The following SPNS2 variants were observed in gnomAD, a reference collection of about 807,000 sequenced individuals.
SPNS2 encodes sphingosine-1-phosphate transporter SPNS2.
A neutral mutation model predicts 57.6 loss-of-function variants in SPNS2; 37 were observed. The ratio of observed to expected loss-of-function variants is 0.64; its 90% CI spans 0.49 to 0.85. The LOEUF (loss-of-function observed/expected upper bound fraction) is 0.85. Among genes scored for constraint, SPNS2 ranks in the 40% least tolerant of loss-of-function variants. The pLI is 0.00. For missense variants in SPNS2, 831 were observed against 779.1 expected, an observed-to-expected ratio of 1.07 and a Z score of -0.79; for synonymous variants, 440 against 346.9, an observed-to-expected ratio of 1.27 and a Z score of -2.98.
At chr17:4,524,989 AG>A in intron 2 of SPNS2, 67 bp from the exon 3 acceptor site, 1 of 1,582,502 alleles carries the variant, frequency 6.3e-7, no homozygotes. Flanking sequence ...CCCAAGCCGG[AG>A]TGAAATGGGC....
At chr17:4,525,391 G>A (rs1241239505) in intron 3 of SPNS2, among the ~76,000 whole-genome samples, 198 bp downstream of exon 3, 3 of 152,214 alleles carry the variant, frequency 2.0e-5, no homozygotes, top group African/African-American at 2.4e-5. Context: ...CCTTCCCCAC[G>A]CTGGCCTGAC....
Position 4,536,141 on chromosome 17 carries a change from G to C in SPNS2, c.1410G>C (p.Leu470=). ...TGCAGAGCTTCACCTCCCACCTGCT[G>C]GGGGACGCCGGGAGCCCCTACCTCA... ...VALQSFTSHL[L]GDAGSPYLIG... The change falls in exon 10 of 13, where the codon CTG becomes CTC. Residue 470 remains leucine (L), a synonymous_variant. Transcript: ENST00000329078. The C allele has an allele frequency of 6.2e-7, 1 of 1,612,538 alleles. No homozygotes were observed. Among genetic ancestry groups the C allele is most frequent in the South Asian group, 1.1e-5 (1 of 91,076 alleles).
Position 4,510,881 on chromosome 17 carries a change from G to T in SPNS2, c.371-2366G>T, listed in dbSNP as rs1904813082. On this transcript the variant is annotated intron_variant, in intron 1 of 12. Coordinates refer to ENST00000329078, the MANE Select transcript of SPNS2 (RefSeq NM_001124758.3). This position sits in a 1 kb window ranked among gnomAD's most constrained non-coding sequence, Gnocchi z 4.4. ...AAACCACGCAGAAGGCAGCGTGGCA[G>T]GAGAACGAGCTTTGGTTTTTGGCAA... 6.6e-6 allele frequency among the ~76,000 whole-genome samples: 1 copy of T among 152,188 alleles called. No homozygotes were observed. Among genetic ancestry groups the T allele is most frequent in the Non-Finnish European group, 1.5e-5 (1 of 68,036 alleles).
At chr17:4,515,540 C>T (rs1016697684) in intron 2 of SPNS2, among the ~76,000 whole-genome samples, 1 of 152,208 alleles carries the variant, frequency 6.6e-6, no homozygotes, top group African/African-American at 2.4e-5. Context: ...TCACCTGTCA[C>T]CTACCCCGGC....
chr17:4,521,922 G>T (rs1905148392), intron 2 of SPNS2, among the ~76,000 whole-genome samples: 1 of 152,208 alleles, frequency 6.6e-6, no homozygotes. Context: ...AACACGGCCG[G>T]GCACGGTGGC....
rs186382995 is a variant in SPNS2 at position 4,518,940 on chromosome 17, G to T, written c.436+5628G>T. Among the ~76,000 whole-genome samples, 5 of 152,354 alleles carry T rather than the reference G, an allele frequency of 3.3e-5. No homozygotes were observed. The East Asian group carries it at 9.6e-4, about 29-fold the overall frequency. ...GCCCAACACAAGGTTTACATCCTGA[G>T]TAGGGGATCACAGAGCAGGTGTTCC... On this transcript the variant is annotated intron_variant, in intron 2 of 12. Transcript: ENST00000329078.
At chr17:4,531,583 A>C (rs1198170213) in intron 5 of SPNS2, among the ~76,000 whole-genome samples, 3 of 152,004 alleles carry the variant, frequency 2.0e-5, no homozygotes, top group Non-Finnish European at 4.4e-5. Flanking sequence ...GCGCAATCGG[A>C]GGAAACAGAG....
chr17:4,538,637 TG>T lies in SPNS2; in HGVS notation c.*1195del, dbSNP rs879864584. On this transcript the variant is annotated 3_prime_UTR_variant, in exon 13 of 13. Transcript: ENST00000329078. ...AGGTGGTTCTGGTGCGGGGGTGGGG[TG>T]GGGGGTGAGGCCTTGTGGCCAATGG... The T allele has an allele frequency of 2.3e-5, 11 of 482,706 alleles. No homozygotes were observed. Among genetic ancestry groups the T allele is most frequent in the African/African-American group, 7.9e-5 (4 of 50,582 alleles). 29.9% of individuals were successfully genotyped at this position (482,706 alleles called of 1,614,324 possible). A position where few individuals can be genotyped will look rare whatever the true frequency, so the allele number is the denominator to read the frequency against.
At position 4,537,636 on chromosome 17, in the gene SPNS2, G is replaced by A. The variant is rs1256105514; in HGVS notation, c.*188G>A. The A allele has an allele frequency of 6.6e-6, 3 of 456,760 alleles. No individual in the cohort carries two copies. Among genetic ancestry groups the A allele is most frequent in the Middle Eastern group, 3.3e-4 (1 of 3,076 alleles). 28.3% of individuals were successfully genotyped at this position (456,760 alleles called of 1,614,324 possible). A position where few individuals can be genotyped will look rare whatever the true frequency, so the allele number is the denominator to read the frequency against. On this transcript the variant is annotated 3_prime_UTR_variant, in exon 13 of 13. Coordinates refer to ENST00000329078, the MANE Select transcript of SPNS2 (RefSeq NM_001124758.3). Reference sequence around the variant, plus strand: ...AAGAGGCTGTGTCCTCAGTTACCCTGGAAGGATGTGTGTGTTGGAGCCACA... The same window carrying A: ...AAGAGGCTGTGTCCTCAGTTACCCTAGAAGGATGTGTGTGTTGGAGCCACA...
rs781588909 is a variant in SPNS2 at position 4,532,541 on chromosome 17, G to T, written c.793-1G>T. 1 of 1,614,152 alleles carries T rather than the reference G, an allele frequency of 6.2e-7. No homozygotes were observed. Among genetic ancestry groups the T allele is most frequent in the Non-Finnish European group, 8.5e-7 (1 of 1,180,032 alleles). On this transcript the variant is annotated splice_acceptor_variant, in intron 5 of 12. Coordinates refer to ENST00000329078, the MANE Select transcript of SPNS2 (RefSeq NM_001124758.3). LOFTEE classifies it high-confidence loss of function. ...TGTCCTAACTTCCTGCTCTCTGGCA[G>T]GTGTCCCCTGTCCTGGGCATGATCA...
intron 8 of SPNS2, 169 bp from the exon 9 acceptor site, chr17:4,533,619 G>A (rs1306550326): frequency 9.9e-7 from 1 of 1,012,074 alleles, no homozygotes; most frequent in East Asian, 2.6e-5. Flanking sequence ...GGTGCCTCAG[G>A]GCCGTGGGCA....
At chr17:4,530,594 G>A in intron 3 of SPNS2, 38 bp from the exon 4 acceptor site, 1 of 1,589,486 alleles carries the variant, frequency 6.3e-7, no homozygotes, top group Non-Finnish European at 8.6e-7. Flanking sequence ...CAGACGGTGG[G>A]TAGTCGGTCC....
Position 4,537,668 on chromosome 17 carries a change from G to C in SPNS2, c.*220G>C, listed in dbSNP as rs1905933442. On this transcript the variant is annotated 3_prime_UTR_variant, in exon 13 of 13. Coordinates refer to ENST00000329078, the MANE Select transcript of SPNS2 (RefSeq NM_001124758.3). ...TGTGTGTGTTGGAGCCACACGGTTG[G>C]ACAGGTTCCCAGCCCTAGGTTTGGG... 1 of 456,778 alleles carries C rather than the reference G, an allele frequency of 2.2e-6. No homozygotes were observed. The highest frequency in any genetic ancestry group is 4.4e-6 in the Non-Finnish European group (1 of 226,974). 28.3% of individuals were successfully genotyped at this position (456,778 alleles called of 1,614,324 possible).
At chr17:4,501,105 C>T (rs2144297636) in intron 1 of SPNS2, among the ~76,000 whole-genome samples, 1 of 152,306 alleles carries the variant, frequency 6.6e-6, no homozygotes, top group East Asian at 1.9e-4. Context: ...TGTCCCTGTA[C>T]AGCCCCCGTT....
chr17:4,511,152 C>T lies in SPNS2; in HGVS notation c.371-2095C>T, dbSNP rs1904820211. On this transcript the variant is annotated intron_variant, in intron 1 of 12. Coordinates refer to ENST00000329078, the MANE Select transcript of SPNS2 (RefSeq NM_001124758.3). This position sits in a 1 kb window ranked among gnomAD's most constrained non-coding sequence, Gnocchi z 4.6. ...ATAGCTGTGCTTCTGTGTGCATTCC[C>T]TATAGAACCCACTCATCCTGGTAGG... Among the ~76,000 whole-genome samples the T allele has an allele frequency of 6.6e-6, 1 of 152,218 alleles. No individual in the cohort carries two copies. Among genetic ancestry groups the T allele is most frequent in the African/African-American group, 2.4e-5 (1 of 41,452 alleles).
At chr17:4,529,966 C>A (rs779970492) in intron 3 of SPNS2, among the ~76,000 whole-genome samples, 25 of 152,056 alleles carry the variant, frequency 1.6e-4, no homozygotes, top group Non-Finnish European at 3.4e-4. Context: ...CAGGGTGGGG[C>A]TGGGGAAAGA....
At chr17:4,532,351 C>T (rs757521012) in intron 5 of SPNS2, among the ~76,000 whole-genome samples, 191 bp from the exon 6 acceptor site, 2 of 152,194 alleles carry the variant, frequency 1.3e-5, no homozygotes, top group African/African-American at 4.8e-5. Context: ...CAGGCCATCT[C>T]AAGCCTCCAG....
chr17:4,508,779 A>G (rs1253607901), intron 1 of SPNS2, among the ~76,000 whole-genome samples: 1 of 152,192 alleles, frequency 6.6e-6, no homozygotes, highest in Non-Finnish European at 1.5e-5. Flanking sequence ...TATTGGTACC[A>G]TTACTGAGCC....
chr17:4,533,838 T>G lies in SPNS2; in HGVS notation c.1329T>G (p.Thr443=). 6.2e-7 allele frequency: 1 copy of G among 1,613,010 alleles called. No homozygotes were observed. Among genetic ancestry groups the G allele is most frequent in the Non-Finnish European group, 8.5e-7 (1 of 1,179,756 alleles). The change falls in exon 9 of 13, where the codon ACT becomes ACG. Residue 443 remains threonine, a synonymous_variant. Coordinates refer to ENST00000329078, the MANE Select transcript of SPNS2 (RefSeq NM_001124758.3). ...ETLLFSNWAI[T]ADILMYVVIP... ...TGCTGTTTTCTAACTGGGCCATCAC[T>G]GCAGACATCCTCATGGTGAGCCAGG... is the stretch of plus-strand genomic sequence containing the variant.
Sources: allele counts gnomAD v4.1 joint callset (sites outside exome capture counted in the v4.1 genomes callset), GRCh38; gene constraint gnomAD v4.1.1; non-coding constraint Gnocchi (gnomAD v3.1); transcripts MANE v1.5; gene names NCBI Gene and HGNC (gene_info 2026-07-23, HGNC 2026-07-21).